PPARGC1A: variants seen among roughly 807,000 people sequenced by gnomAD.
The protein encoded by PPARGC1A is PPARG coactivator 1 alpha.
PPARGC1A carries 25 observed loss-of-function variants against 88.7 expected under a neutral mutation model. That is an observed-to-expected ratio of 0.28 (90% confidence interval 0.21 to 0.39). The LOEUF (loss-of-function observed/expected upper bound fraction) is 0.39. Among genes scored for constraint, PPARGC1A ranks in the 10% least tolerant of loss-of-function variants. PPARGC1A has a pLI of 1.00. For synonymous variants in PPARGC1A, 363 were observed against 355.6 expected (o/e 1.02, Z -0.24); for missense variants, 880 against 968.7 (o/e 0.91, Z 1.22).
chr4:24,087,247 C>T, the PPARGC1A span, among the ~76,000 whole-genome samples: 12 of 152,160 alleles, frequency 7.9e-5, no homozygotes, highest in Admixed American at 2.6e-4. Context: ...GATGTAAAAT[C>T]GAAGGCTTAG....
chr4:24,250,603 AAAGAAGAGAAAAGAAGGAAGAG>A, the PPARGC1A span, among the ~76,000 whole-genome samples: 1 of 152,198 alleles, frequency 6.6e-6, no homozygotes, highest in African/African-American at 2.4e-5. Context: ...GGAAGAGGCA[AAAGAAGAGAAAAGAAGGAAGAG>A]GAAGGAGAAG....
intron 2 of PPARGC1A, among the ~76,000 whole-genome samples, chr4:23,835,150 C>T (rs865921795): frequency 6.6e-6 from 1 of 152,094 alleles, no homozygotes. Flanking sequence ...TTTGGCTTTC[C>T]AGCAATACTA....
chr4:24,405,949 C>G, the PPARGC1A span, among the ~76,000 whole-genome samples: 1 of 151,792 alleles, frequency 6.6e-6, no homozygotes, highest in South Asian at 2.1e-4. Flanking sequence ...TTCCTCCCCA[C>G]TCTCACTTCT....
At chr4:24,118,738 T>A in the PPARGC1A span, among the ~76,000 whole-genome samples, 1 of 152,196 alleles carries the variant, frequency 6.6e-6, no homozygotes, top group African/African-American at 2.4e-5. Flanking sequence ...CATATCCACA[T>A]CTATTTATAA....
the PPARGC1A span, among the ~76,000 whole-genome samples, chr4:24,200,405 G>T: frequency 6.6e-6 from 1 of 151,972 alleles, no homozygotes; most frequent in Non-Finnish European, 1.5e-5. Context: ...CAGCTATTTG[G>T]GAGGTTGAGG....
At chr4:24,267,374 T>C in the PPARGC1A span, among the ~76,000 whole-genome samples, 10 of 152,238 alleles carry the variant, frequency 6.6e-5, no homozygotes, top group Non-Finnish European at 1.0e-4. Flanking sequence ...ATTGTTTCCA[T>C]GACCTGGCAC....
chr4:24,167,500 G>C, the PPARGC1A span, among the ~76,000 whole-genome samples: 2 of 152,176 alleles, frequency 1.3e-5, no homozygotes, highest in Non-Finnish European at 2.9e-5. Context: ...TCTATTGTGT[G>C]TAAAATGTTA....
At chr4:24,217,439 G>A in the PPARGC1A span, among the ~76,000 whole-genome samples, 2 of 152,164 alleles carry the variant, frequency 1.3e-5, no homozygotes, top group African/African-American at 4.8e-5. Flanking sequence ...CCGTTGTTCG[G>A]ATGGAAGAGC....
chr4:24,013,774 G>A, the PPARGC1A span, among the ~76,000 whole-genome samples: 15 of 152,160 alleles, frequency 9.9e-5, no homozygotes, highest in African/African-American at 3.1e-4. Context: ...ATGCCTGGAC[G>A]TTTAGTCAGT....
At chr4:24,159,205 C>CGT in the PPARGC1A span, among the ~76,000 whole-genome samples, 30 of 143,550 alleles carry the variant, frequency 2.1e-4, no homozygotes, top group African/African-American at 7.0e-4. Context: ...AGGAAATTAA[C>CGT]CTTTTTTTTT....
At chr4:23,962,607 A>C in the PPARGC1A span, among the ~76,000 whole-genome samples, 3 of 152,296 alleles carry the variant, frequency 2.0e-5, no homozygotes, top group Non-Finnish European at 4.4e-5. Context: ...ATATTTGTCT[A>C]TGACTGAGCA....
intron 2 of PPARGC1A, among the ~76,000 whole-genome samples, chr4:23,866,884 T>C (rs941854819): frequency 3.3e-5 from 5 of 152,170 alleles, no homozygotes; most frequent in Non-Finnish European, 7.3e-5. Flanking sequence ...ATCCTTCTTA[T>C]TTTGCTGCGC....
the PPARGC1A span, among the ~76,000 whole-genome samples, chr4:24,335,384 T>C: frequency 6.6e-6 from 1 of 152,162 alleles, no homozygotes; most frequent in African/African-American, 2.4e-5. Context: ...AGCCCATAGG[T>C]GCTTGATGTC....
Position 23,813,744 on chromosome 4 carries a change from C to A in PPARGC1A, c.1739G>T (p.Arg580Leu). 6.2e-7 allele frequency: 1 copy of A among 1,612,518 alleles called. No individual in the cohort carries two copies. The change falls in exon 8 of 13, where the codon CGA (arginine) becomes CTA (leucine). Residue 580 changes from arginine (R) to leucine (L), a missense_variant. Arg to Leu is a moderately radical substitution (Grantham distance 102). Transcript: ENST00000264867. ...TGATCTTGACCTGGAATATGGTGAT[C>A]GGGAACACGACCTGTGTCGAGAAAA... The part of the protein sequence containing the change: ...RSFSRHRSCS[R>L]SPYSRSRSRS...
At chr4:23,979,134 T>G in the PPARGC1A span, among the ~76,000 whole-genome samples, 1 of 152,218 alleles carries the variant, frequency 6.6e-6, no homozygotes, top group Non-Finnish European at 1.5e-5. Flanking sequence ...TAGCAAAATT[T>G]CTGGCTTGTA....
chr4:24,445,545 CA>C, the PPARGC1A span, among the ~76,000 whole-genome samples: 1 of 152,136 alleles, frequency 6.6e-6, no homozygotes, highest in African/African-American at 2.4e-5. Flanking sequence ...TAGATTCTTC[CA>C]AACCTCTCAG....
the PPARGC1A span, among the ~76,000 whole-genome samples, chr4:23,949,888 T>C: frequency 6.6e-5 from 10 of 152,192 alleles, no homozygotes; most frequent in African/African-American, 2.4e-4. Context: ...CTGCCTTGTT[T>C]TCTTTCCTTG....
the PPARGC1A span, among the ~76,000 whole-genome samples, chr4:24,111,568 T>C: frequency 6.6e-6 from 1 of 152,160 alleles, no homozygotes; most frequent in Non-Finnish European, 1.5e-5. Flanking sequence ...ATTAAATTGA[T>C]ATTTAAATGT....
At chr4:24,208,591 G>A in the PPARGC1A span, among the ~76,000 whole-genome samples, 1 of 149,554 alleles carries the variant, frequency 6.7e-6, no homozygotes, top group Admixed American at 6.7e-5. Flanking sequence ...ATGTCAGACT[G>A]AACTAGGCAA....
Sources: gnomAD v4.1 joint callset for allele counts (sites outside exome capture counted in the v4.1 genomes callset) on GRCh38, gnomAD v4.1.1 for gene constraint, MANE v1.5 for transcripts, NCBI Gene and HGNC (gene_info 2026-07-23, HGNC 2026-07-21) for gene names.